Variants in SPOCK1 observed in about 807,000 individuals in gnomAD.
The protein encoded by SPOCK1 is SPARC (osteonectin), cwcv and kazal like domains proteoglycan 1, also known as testican-1.
In SPOCK1, 23 loss-of-function variants were observed where a neutral mutation model predicts 55.3. The observed-to-expected ratio is 0.42, with a 90% CI of 0.30 to 0.59. The LOEUF is 0.59. Among genes scored for constraint, SPOCK1 ranks in the 20% least tolerant of loss-of-function variants. The probability of loss-of-function intolerance (pLI) is 0.22; values close to 1 mark genes in which losing one functional copy is unlikely to be tolerated. For synonymous variants in SPOCK1, 226 were observed against 221.0 expected (o/e 1.02, Z -0.20); for missense variants, 499 against 552.5 (o/e 0.90, Z 0.97).
intron 2 of SPOCK1, among the ~76,000 whole-genome samples, chr5:137,285,815 A>G (rs1237585568): frequency 6.6e-6 from 1 of 152,132 alleles, no homozygotes; most frequent in Non-Finnish European, 1.5e-5. Context: ...GGAGAATACC[A>G]CATGTAGAGC....
In SPOCK1 at chr5:137,374,535, G is replaced by A. The variant is rs550447969; in HGVS notation, c.187-107480C>T. ...CTCAGAGGCACTCCAACACGCTGTG[G>A]CATGTCACATCTTCACGGACTGGAG... On this transcript the variant is annotated intron_variant, in intron 2 of 10. Coordinates refer to ENST00000394945, the MANE Select transcript of SPOCK1 (RefSeq NM_004598.4). Among the ~76,000 whole-genome samples the A allele has an allele frequency of 1.6e-4, 25 of 152,300 alleles. No homozygotes were observed. The East Asian group carries it at 4.6e-3, about 28-fold the overall frequency.
intron 2 of SPOCK1, among the ~76,000 whole-genome samples, chr5:137,338,569 TTC>T (rs1453579200): frequency 3.3e-5 from 5 of 151,898 alleles, no homozygotes; most frequent in African/African-American, 4.8e-5. Flanking sequence ...GTATTTCTAG[TTC>T]TAGATCCCTG....
intron 2 of SPOCK1, among the ~76,000 whole-genome samples, chr5:137,290,299 T>G (rs1279064882): frequency 6.6e-6 from 1 of 152,184 alleles, no homozygotes; most frequent in Non-Finnish European, 1.5e-5. Context: ...AGAGATGATA[T>G]TACCTACATA....
At chr5:136,992,770 G>A in intron 6 of SPOCK1, 170 bp from the exon 7 acceptor site, 1 of 509,884 alleles carries the variant, frequency 2.0e-6, no homozygotes. Context: ...ACAAAGAGTG[G>A]GACAAAAAGA....
intron 2 of SPOCK1, among the ~76,000 whole-genome samples, chr5:137,351,461 G>A (rs574620156): frequency 4.7e-4 from 72 of 152,292 alleles, no homozygotes; most frequent in Middle Eastern, 3.4e-3. Flanking sequence ...ACCACAATCC[G>A]CTTGTTGTCC....
chr5:137,429,400 CT>C (rs1752698313), intron 2 of SPOCK1, among the ~76,000 whole-genome samples: 1 of 152,154 alleles, frequency 6.6e-6, no homozygotes, highest in African/African-American at 2.4e-5. Context: ...TTATATTATA[CT>C]TTCCTTTACA....
intron 2 of SPOCK1, among the ~76,000 whole-genome samples, chr5:137,460,397 C>T (rs1459578938): frequency 6.6e-6 from 1 of 152,064 alleles, no homozygotes; most frequent in Non-Finnish European, 1.5e-5. Flanking sequence ...GGTCAAGGTA[C>T]GGGATAAGGA....
At chr5:137,205,674 A>G (rs1373757592) in intron 3 of SPOCK1, among the ~76,000 whole-genome samples, 2 of 152,238 alleles carry the variant, frequency 1.3e-5, no homozygotes, top group African/African-American at 2.4e-5. Context: ...TGCATGATCA[A>G]GTCACAGCCA....
chr5:137,155,179 A>G (rs1433164620), intron 3 of SPOCK1, among the ~76,000 whole-genome samples: 1 of 152,230 alleles, frequency 6.6e-6, no homozygotes, highest in Non-Finnish European at 1.5e-5. Context: ...TTTCAGTTGT[A>G]GCAGCCCAAA....
chr5:137,181,540 C>T (rs1754968806), intron 3 of SPOCK1, among the ~76,000 whole-genome samples: 1 of 152,220 alleles, frequency 6.6e-6, no homozygotes, highest in Non-Finnish European at 1.5e-5. Context: ...AGTCACAGGG[C>T]TGGACTTGGA....
At chr5:137,073,674 CTTTTT>C (rs201676207) in intron 5 of SPOCK1, among the ~76,000 whole-genome samples, 1 of 146,742 alleles carries the variant, frequency 6.8e-6, no homozygotes, top group East Asian at 2.0e-4. Context: ...GAGGAAAATG[CTTTTT>C]TTTTTTACAA....
At chr5:137,409,143 T>C (rs1037521568) in intron 2 of SPOCK1, among the ~76,000 whole-genome samples, 2 of 152,048 alleles carry the variant, frequency 1.3e-5, no homozygotes, top group Non-Finnish European at 2.9e-5. Flanking sequence ...CCTGACTCCA[T>C]CCAGGAAGCA....
At chr5:137,106,324 T>C (rs1158767098) in intron 5 of SPOCK1, among the ~76,000 whole-genome samples, 1 of 152,154 alleles carries the variant, frequency 6.6e-6, no homozygotes, top group East Asian at 1.9e-4. Flanking sequence ...TCAGTGCTTC[T>C]CTTCCAGCAG....
intron 3 of SPOCK1, among the ~76,000 whole-genome samples, chr5:137,252,445 C>G (rs1479747852): frequency 2.0e-5 from 3 of 152,176 alleles, no homozygotes; most frequent in Non-Finnish European, 4.4e-5. Flanking sequence ...ATATTGTATG[C>G]AAAAGTTCCT....
chr5:137,186,050 CA>C (rs932007164), intron 3 of SPOCK1, among the ~76,000 whole-genome samples: 1 of 152,046 alleles, frequency 6.6e-6, no homozygotes, highest in Non-Finnish European at 1.5e-5. Context: ...ATTGGGAATC[CA>C]AAAAAATTCC....
At chr5:137,410,642 G>A (rs191622233) in intron 2 of SPOCK1, among the ~76,000 whole-genome samples, 3 of 152,298 alleles carry the variant, frequency 2.0e-5, no homozygotes, top group Admixed American at 6.5e-5. Flanking sequence ...TGCACCCCAC[G>A]CCACTGGACA....
chr5:137,496,582 A>G (rs1001679614), intron 2 of SPOCK1, among the ~76,000 whole-genome samples: 6 of 152,268 alleles, frequency 3.9e-5, no homozygotes, highest in African/African-American at 1.4e-4. Context: ...AGCAAAGTCA[A>G]GCAACTGCCC....
At chr5:137,463,137 A>T (rs1346015943) in intron 2 of SPOCK1, among the ~76,000 whole-genome samples, 1 of 152,218 alleles carries the variant, frequency 6.6e-6, no homozygotes, top group Non-Finnish European at 1.5e-5. Context: ...AGCCAGGTCC[A>T]TATGGAAGGT....
chr5:137,281,335 A>C (rs1757162433), intron 2 of SPOCK1, among the ~76,000 whole-genome samples: 1 of 152,238 alleles, frequency 6.6e-6, no homozygotes, highest in South Asian at 2.1e-4. Context: ...AAGTATCTAC[A>C]TCCCAGACAT....
Sources: allele counts gnomAD v4.1 joint callset (sites outside exome capture counted in the v4.1 genomes callset), GRCh38; gene constraint gnomAD v4.1.1; transcripts MANE v1.5; gene names NCBI Gene and HGNC (gene_info 2026-07-23, HGNC 2026-07-21).